RBFOX3: variants seen among roughly 807,000 people sequenced by gnomAD.
The protein encoded by RBFOX3 is RNA binding fox-1 homolog 3, also known as RNA binding protein fox-1 homolog 3.
A neutral mutation model predicts 48.7 loss-of-function variants in RBFOX3; 17 were observed. That is an observed-to-expected ratio of 0.35 (90% CI 0.24 to 0.52). The LOEUF (loss-of-function observed/expected upper bound fraction) is 0.52, where lower values mean the gene tolerates loss of function less well. Among genes scored for constraint, RBFOX3 ranks in the 20% least tolerant of loss-of-function variants. The probability of loss-of-function intolerance (pLI) is 0.94; values close to 1 mark genes in which losing one functional copy is unlikely to be tolerated. For synonymous variants in RBFOX3, 212 were observed against 209.5 expected (o/e 1.01, Z -0.10); for missense variants, 382 against 497.5 (o/e 0.77, Z 2.21).
rs372688387 is a variant in RBFOX3 at position 79,180,846 on chromosome 17, G to A, written c.-34+54920C>T. Among the ~76,000 whole-genome samples the A allele has an allele frequency of 5.8e-4, 88 of 152,034 alleles. 1 individual carries two copies. Among genetic ancestry groups the A allele is most frequent in the Middle Eastern group, 6.8e-3 (2 of 294 alleles). ...GAAGGAAAGTGAATGCTCAAAGCCC[G>A]GGGCAACAGCAGGCTCTGGCTTTCC... On this transcript the variant is annotated intron_variant, in intron 4 of 14. Coordinates refer to ENST00000693108, the MANE Select transcript of RBFOX3 (RefSeq NM_001350451.2).
At chr17:79,096,080 T>A (rs753548960) in intron 12 of RBFOX3, among the ~76,000 whole-genome samples, 8 of 152,176 alleles carry the variant, frequency 5.3e-5, no homozygotes, top group Admixed American at 1.3e-4. Flanking sequence ...TCAGATGATG[T>A]CCTGGCCTCA....
Position 79,096,774 on chromosome 17 carries a change from G to A in RBFOX3, c.815C>T (p.Pro272Leu), listed in dbSNP as rs2075350687. 1.5e-6 allele frequency: 2 copies of A among 1,304,812 alleles called. No individual in the cohort carries two copies. The highest frequency in any genetic ancestry group is 2.2e-6 in the Non-Finnish European group (2 of 922,246). The allele number at this position is 1,304,812 out of a possible 1,614,324, so 80.8% of individuals were successfully genotyped here. A position where few individuals can be genotyped will look rare whatever the true frequency, so the allele number is the denominator to read the frequency against. The change falls in exon 12 of 15, where the codon CCC becomes CTC. Residue 272 changes from proline to leucine, a missense_variant. Physicochemically the swap from Pro to Leu is moderately conservative, Grantham distance 98. Around this residue, in one of 3 missense-constraint regions of RBFOX3, gnomAD observed 215 missense variants for 254.8 expected, o/e 0.84. Transcript: ENST00000693108. ...CTCCGGTGTCTGCTGAGGAGGGAGG[G>A]GGCACGGTGCCAGCCCCGCCCATGG... Reference protein sequence around the residue: ...PVPWAGLAPCPLPPQQTPEPA... With the variant: ...PVPWAGLAPCLLPPQQTPEPA...
Position 79,387,627 on chromosome 17 carries a change from T to A in RBFOX3, c.-174-79803A>T, listed in dbSNP as rs114262730. Among the ~76,000 whole-genome samples, 1,068 of 152,342 alleles carry A rather than the reference T, an allele frequency of 7.0e-3. 9 individuals are homozygous for A. The highest frequency in any genetic ancestry group is 0.024 in the African/African-American group (1,015 of 41,586). ...CAAATGAGGGGCCATGAGCTCTGCC[T>A]CACTGTGGTTCTCACCACTGCCTAT... On this transcript the variant is annotated intron_variant, in intron 2 of 14. Transcript: ENST00000693108.
intron 2 of RBFOX3, among the ~76,000 whole-genome samples, chr17:79,318,796 A>T (rs916844614): frequency 7.2e-6 from 1 of 138,322 alleles, no homozygotes; most frequent in Non-Finnish European, 1.5e-5. Flanking sequence ...CAAAGTTTGC[A>T]GTGAGCCGAG....
At chr17:79,255,889 T>C (rs1332293028) in intron 3 of RBFOX3, among the ~76,000 whole-genome samples, 5 of 151,278 alleles carry the variant, frequency 3.3e-5, no homozygotes, top group Admixed American at 3.3e-4. Flanking sequence ...CTGGGACTCC[T>C]GTCTTCTGCT....
intron 3 of RBFOX3, among the ~76,000 whole-genome samples, chr17:79,268,551 G>C (rs1405304914): frequency 2.6e-5 from 4 of 152,116 alleles, no homozygotes; most frequent in African/African-American, 9.7e-5. Context: ...CCAGTCCTCT[G>C]CCATCTTCAT....
chr17:79,330,712 C>T (rs141569152), intron 2 of RBFOX3, among the ~76,000 whole-genome samples: 5 of 152,210 alleles, frequency 3.3e-5, no homozygotes, highest in East Asian at 1.9e-4. Flanking sequence ...CATGAAGTCA[C>T]GTGGTGGGGC....
Position 79,418,007 on chromosome 17 carries a change from A to G in RBFOX3, c.-175+64447T>C, listed in dbSNP as rs72852492. On this transcript the variant is annotated intron_variant, in intron 2 of 14. Transcript: ENST00000693108. This position sits in a 1 kb window ranked among gnomAD's most constrained non-coding sequence, Gnocchi z 5.0. ...GTGAGTCCACTCATGTGAGGTCCTT[A>G]GAGTCATCAGATTCAGAGACAGAAA... Among the ~76,000 whole-genome samples the G allele has an allele frequency of 0.15, 22,900 of 152,194 alleles. 1,954 individuals are homozygous for G. The highest frequency in any genetic ancestry group is 0.19 in the Non-Finnish European group (13,181 of 67,990).
chr17:79,116,058 T>C (rs984591745), intron 4 of RBFOX3, among the ~76,000 whole-genome samples: 1 of 152,148 alleles, frequency 6.6e-6, no homozygotes, highest in Non-Finnish European at 1.5e-5. Context: ...TTAAAAAAAT[T>C]AACCATTTTA....
intron 9 of RBFOX3, chr17:79,100,123 A>G (rs2076142960): frequency 1.3e-5 from 2 of 152,184 alleles, no homozygotes; most frequent in Admixed American, 6.5e-5. Context: ...CATGAGCCGC[A>G]TAGCCCGAGG....
intron 4 of RBFOX3, among the ~76,000 whole-genome samples, chr17:79,157,025 T>C (rs1006384268): frequency 3.9e-5 from 6 of 152,172 alleles, no homozygotes; most frequent in Non-Finnish European, 8.8e-5. Flanking sequence ...CAGCAGCCCC[T>C]GCGCTCTCCT....
chr17:79,513,839 C>T (rs892370184), intron 1 of RBFOX3, among the ~76,000 whole-genome samples: 40 of 152,318 alleles, frequency 2.6e-4, no homozygotes, highest in Middle Eastern at 3.4e-3. Context: ...TATGGGGGCC[C>T]GCGTGCCCTA....
intron 4 of RBFOX3, among the ~76,000 whole-genome samples, chr17:79,152,458 TG>T (rs5822278): frequency 0.71 from 107,794 of 150,910 alleles, 38,513 homozygotes; most frequent in East Asian, 0.74. Context: ...GGGACTAGGG[TG>T]GGGGGGTATC....
rs1408429601 is a variant in RBFOX3, at chr17:79,418,134, T to G, written c.-175+64320A>C. 2.6e-5 allele frequency among the ~76,000 whole-genome samples: 4 copies of G among 152,192 alleles called. No individual in the cohort carries two copies. In the East Asian group the frequency reaches 5.8e-4, roughly 22 times the overall value. On this transcript the variant is annotated intron_variant, in intron 2 of 14. Coordinates refer to ENST00000693108, the MANE Select transcript of RBFOX3 (RefSeq NM_001350451.2). This position sits in a 1 kb window ranked among gnomAD's most constrained non-coding sequence, Gnocchi z 5.0. The stretch of plus-strand genomic sequence containing the variant: ...AAGATGAGAACATTCTGGAGATGGA[T>G]GGTGATGGCCGCACAACAAGATGAA...
At chr17:79,170,046 A>T (rs2048835071) in intron 4 of RBFOX3, among the ~76,000 whole-genome samples, 1 of 145,324 alleles carries the variant, frequency 6.9e-6, no homozygotes, top group African/African-American at 2.7e-5. Context: ...AGGAAGGAGA[A>T]GAGGGAAGGG....
At chr17:79,145,803 GTGCCC>G (rs1158260357) in intron 4 of RBFOX3, among the ~76,000 whole-genome samples, 3 of 152,226 alleles carry the variant, frequency 2.0e-5, no homozygotes, top group Admixed American at 6.5e-5. Context: ...CCGGGCGACG[GTGCCC>G]TGCAGGGGAC....
intron 3 of RBFOX3, among the ~76,000 whole-genome samples, chr17:79,236,779 C>G (rs2147909031): frequency 6.6e-6 from 1 of 152,272 alleles, no homozygotes; most frequent in South Asian, 2.1e-4. Context: ...AGCTAGCTCA[C>G]TGGGGCCTGG....
At position 79,543,136 on chromosome 17, in the gene RBFOX3, G is replaced by A. The variant is rs182268017; in HGVS notation, c.-319-60538C>T. Among the ~76,000 whole-genome samples the A allele has an allele frequency of 3.1e-3, 478 of 152,180 alleles. 3 individuals carry two copies. The highest frequency in any genetic ancestry group is 0.011 in the African/African-American group (445 of 41,504). ...GCATACGGCAGCTGAACGGTAAAGG[G>A]GAATATGTCCAACACTCAGAACCGT... is the stretch of plus-strand genomic sequence containing the variant. On this transcript the variant is annotated intron_variant, in intron 1 of 14. Transcript: ENST00000693108.
At chr17:79,182,715 C>G (rs1453434745) in intron 4 of RBFOX3, among the ~76,000 whole-genome samples, 1 of 152,038 alleles carries the variant, frequency 6.6e-6, no homozygotes, top group African/African-American at 2.4e-5. Flanking sequence ...GGCCCCAGCC[C>G]CCTCCCCGGC....
Sources: allele counts gnomAD v4.1 joint callset (sites outside exome capture counted in the v4.1 genomes callset), GRCh38; gene constraint gnomAD v4.1.1; regional missense constraint gnomAD v4.1.1; non-coding constraint Gnocchi (gnomAD v3.1); transcripts MANE v1.5; gene names NCBI Gene and HGNC (gene_info 2026-07-23, HGNC 2026-07-21).